The following ATR variants were observed in gnomAD, a reference collection of about 807,000 sequenced individuals.
ATR encodes the protein serine/threonine-protein kinase ATR.
Under a neutral mutation model 305.3 loss-of-function variants are expected in ATR, and 142 were observed. The observed-to-expected ratio is 0.47, with a 90% CI of 0.41 to 0.53. ATR has a LOEUF of 0.53. Ranked by LOEUF, ATR falls within the 20% of genes least tolerant of loss-of-function variation. The probability of loss-of-function intolerance (pLI) is 0.00; values close to 1 mark genes in which losing one functional copy is unlikely to be tolerated. For missense variants in ATR, 2,135 were observed against 3,133.1 expected (o/e 0.68, Z 7.60); for synonymous variants, 1,050 against 1,068.1 (o/e 0.98, Z 0.33).
In ATR at chr3:142,492,314, G is replaced by A. The variant is rs117739727; in HGVS notation, c.6078+818C>T. On this transcript the variant is annotated intron_variant, in intron 35 of 46. Coordinates refer to ENST00000350721, the MANE Select transcript of ATR (RefSeq NM_001184.4). ...TGTAATCTGAATGAATCTCAATCCC[G>A]TGTGAGCTCTGGAAATTGTTCTTAT... Among the ~76,000 whole-genome samples the A allele has an allele frequency of 8.2e-4, 125 of 152,226 alleles. 2 individuals carry two copies. The East Asian group carries it at 0.022, about 27-fold the overall frequency.
rs1443114385 is a variant in ATR, at chr3:142,535,107, G to A, written c.3918C>T (p.Ser1306=). ...GATTTTTATACAAGGTTTCCTTCAA[G>A]CTTGTAAGAGCATGAATACGAACAT... ...NVDVRIHALT[S]LKETLYKNQE... is the part of the protein sequence containing the mutation. The change falls in exon 21 of 47, where the codon AGC becomes AGT. Residue 1306 remains serine, a synonymous_variant. Transcript: ENST00000350721. 1.9e-6 allele frequency: 3 copies of A among 1,612,474 alleles called. No individual in the cohort carries two copies. The highest frequency in any genetic ancestry group is 2.5e-6 in the Non-Finnish European group (3 of 1,179,002).
At chr3:142,450,505 T>G (rs777693683) in intron 46 of ATR, 1 of 1,604,016 alleles carries the variant, frequency 6.2e-7, no homozygotes, top group South Asian at 1.1e-5. Flanking sequence ...TCAGGATCCT[T>G]GTGAGGCTAT....
intron 46 of ATR, 119 bp from the exon 47 acceptor site, chr3:142,449,721 T>TA: frequency 9.5e-7 from 1 of 1,047,816 alleles, no homozygotes; most frequent in East Asian, 2.6e-5. Flanking sequence ...ACCCCTTTTG[T>TA]AAGAGCAAAT....
chr3:142,499,596 A>G, intron 31 of ATR, 31 bp downstream of exon 31: 1 of 1,605,814 alleles, frequency 6.2e-7, no homozygotes, highest in Non-Finnish European at 8.5e-7. Flanking sequence ...ACCCATCCTA[A>G]AACTGCTTAT....
At chr3:142,470,271 T>C (rs2071230429) in intron 36 of ATR, 88 bp from the exon 37 acceptor site, 3 of 1,132,042 alleles carry the variant, frequency 2.7e-6, no homozygotes, top group Non-Finnish European at 3.8e-6. Context: ...AACTACCACA[T>C]ACCGTTTTCA....
At chr3:142,466,567 T>C (rs2071136392) in intron 39 of ATR, 34 bp from the exon 40 acceptor site, 2 of 1,565,846 alleles carry the variant, frequency 1.3e-6, no homozygotes, top group East Asian at 4.6e-5. Flanking sequence ...TAATTTGTTT[T>C]TACCTTAAAT....
chr3:142,572,102 C>G (rs1300001892), intron 1 of ATR, among the ~76,000 whole-genome samples: 1 of 150,824 alleles, frequency 6.6e-6, no homozygotes, highest in Non-Finnish European at 1.5e-5. Context: ...CGGAGTCTCG[C>G]TCTGTCGCCC....
chr3:142,528,854 C>CATATATATAT lies in ATR; in HGVS notation c.3946-4665_3946-4656dup, dbSNP rs1191100552. 9.1e-3 allele frequency among the ~76,000 whole-genome samples: 595 copies of CATATATATAT among 65,550 alleles called. 19 individuals carry two copies. Among genetic ancestry groups the CATATATATAT allele is most frequent in the Non-Finnish European group, 0.012 (486 of 41,206 alleles). 43.0% of individuals were successfully genotyped at this position (65,550 alleles called of 152,430 possible). On this transcript the variant is annotated intron_variant, in intron 21 of 46. Transcript: ENST00000350721. ...GTTTATACTTTTGTTCTGGAATTAT[C>CATATATATAT]ATATATATATATATATATATATATA...
At chr3:142,470,375 A>G (rs935873233) in intron 36 of ATR, among the ~76,000 whole-genome samples, 192 bp from the exon 37 acceptor site, 1 of 152,060 alleles carries the variant, frequency 6.6e-6, no homozygotes, top group Non-Finnish European at 1.5e-5. Flanking sequence ...CCTGTACCAA[A>G]AACATGTACA....
intron 1 of ATR, among the ~76,000 whole-genome samples, chr3:142,571,010 A>G (rs1001031765): frequency 6.6e-6 from 1 of 152,210 alleles, no homozygotes; most frequent in Non-Finnish European, 1.5e-5. Context: ...AGATATAAGT[A>G]AAAAGACAAT....
chr3:142,515,414 G>T lies in ATR; in HGVS notation c.4484C>A (p.Ala1495Glu). Residue 1495 changes from alanine (A) to glutamate (E), a missense_variant, in exon 25 of 47, where the codon GCA becomes GAA. Ala to Glu is a moderately radical substitution (Grantham distance 107). Transcript: ENST00000350721. ...TCTTACCTTTGTAATAAGATAACCT[G>T]CCCAAGATGCTGACCATTCTGCAAA... ...SNFAEWSASW[A>E]GYLITKVRHD... The T allele has an allele frequency of 6.2e-7, 1 of 1,613,798 alleles. No homozygotes were observed. Among genetic ancestry groups the T allele is most frequent in the Non-Finnish European group, 8.5e-7 (1 of 1,179,896 alleles).
chr3:142,503,164 C>T (rs768108378), intron 30 of ATR, among the ~76,000 whole-genome samples, 198 bp downstream of exon 30: 3 of 152,086 alleles, frequency 2.0e-5, no homozygotes, highest in South Asian at 2.1e-4. Flanking sequence ...TCAAGGATGG[C>T]TCTTTAGACA....
chr3:142,481,169 C>G (rs1036080866), intron 36 of ATR, among the ~76,000 whole-genome samples: 1 of 152,228 alleles, frequency 6.6e-6, no homozygotes, highest in South Asian at 2.1e-4. Context: ...CACCCATCTT[C>G]TGCGCTGCTC....
rs190031127 is a variant in ATR, at chr3:142,501,145, C to T, written c.5289-1427G>A. On this transcript the variant is annotated intron_variant, in intron 30 of 46. Coordinates refer to ENST00000350721, the MANE Select transcript of ATR (RefSeq NM_001184.4). ...TCATTTGCTTCACCATGACACAGCA[C>T]CCCTTCATTGAATATTGACGCATGC... Among the ~76,000 whole-genome samples, 5 of 152,270 alleles carry T rather than the reference C, an allele frequency of 3.3e-5. No homozygotes were observed. In the East Asian group the frequency reaches 9.7e-4, roughly 29 times the overall value.
At chr3:142,496,615 G>C in intron 33 of ATR, 95 bp from the exon 34 acceptor site, 2 of 1,351,704 alleles carry the variant, frequency 1.5e-6, no homozygotes, top group Non-Finnish European at 2.1e-6. Context: ...CATAAACTTT[G>C]CAAGTAGTTC....
At chr3:142,518,817 T>A (rs1379026620) in intron 24 of ATR, among the ~76,000 whole-genome samples, 2 of 152,198 alleles carry the variant, frequency 1.3e-5, no homozygotes, top group Non-Finnish European at 2.9e-5. Context: ...AATTTATAGT[T>A]GTATGGATTT....
chr3:142,503,962 G>A (rs2032107258), intron 29 of ATR, among the ~76,000 whole-genome samples: 1 of 152,130 alleles, frequency 6.6e-6, no homozygotes, highest in Admixed American at 6.5e-5. Flanking sequence ...CAAAGGTCCT[G>A]ATGTTTTAAA....
chr3:142,455,478 G>C (rs865859992), intron 45 of ATR, among the ~76,000 whole-genome samples: 1 of 152,140 alleles, frequency 6.6e-6, no homozygotes, highest in African/African-American at 2.4e-5. Flanking sequence ...AAAAAGCAAA[G>C]TTGGAACACT....
intron 42 of ATR, among the ~76,000 whole-genome samples, chr3:142,461,170 G>C (rs1057130927): frequency 6.6e-6 from 1 of 151,932 alleles, no homozygotes; most frequent in African/African-American, 2.4e-5. Flanking sequence ...CTTTATAATT[G>C]TTAAGTATCT....
Sources: allele counts gnomAD v4.1 joint callset (sites outside exome capture counted in the v4.1 genomes callset), GRCh38; gene constraint gnomAD v4.1.1; transcripts MANE v1.5; gene names NCBI Gene and HGNC (gene_info 2026-07-23, HGNC 2026-07-21).